DDC: variants seen among roughly 807,000 people sequenced by gnomAD.
DDC encodes aromatic-L-amino-acid decarboxylase.
In DDC, 43 loss-of-function variants were observed where a neutral mutation model predicts 60.0. The observed-to-expected ratio is 0.72, with a 90% CI of 0.56 to 0.92. DDC has a LOEUF of 0.92. Ranked by LOEUF, DDC falls within the 40% of genes least tolerant of loss-of-function variation. The pLI, the probability that DDC is intolerant of heterozygous loss-of-function variation, is 0.00. For synonymous variants in DDC, 232 were observed against 234.6 expected, an observed-to-expected ratio of 0.99 and a Z score of 0.10; for missense variants, 573 against 620.2, an observed-to-expected ratio of 0.92 and a Z score of 0.81.
intron 1 of DDC, among the ~76,000 whole-genome samples, chr7:50,556,914 G>C (rs185939933): frequency 9.1e-4 from 139 of 152,312 alleles, no homozygotes; most frequent in Non-Finnish European, 3.4e-4. Flanking sequence ...TGAGCCCATA[G>C]CTCTGCGGCA....
chr7:50,502,896 G>A (rs1304401435), intron 7 of DDC, among the ~76,000 whole-genome samples: 3 of 152,224 alleles, frequency 2.0e-5, no homozygotes, highest in Admixed American at 6.5e-5. Context: ...AGCTCAGAAT[G>A]TAAGATTCAG....
chr7:50,495,534 G>A, intron 8 of DDC, 117 bp from the exon 9 acceptor site: 1 of 823,760 alleles, frequency 1.2e-6, no homozygotes, highest in Non-Finnish European at 2.0e-6. Context: ...CAGTGGTAGG[G>A]GCCAGGTAGG....
In DDC at chr7:50,528,214, C is replaced by T. The variant is rs1234698764; in HGVS notation, c.637G>A (p.Gly213Ser). 1 of 1,614,166 alleles carries T rather than the reference C, an allele frequency of 6.2e-7. No individual in the cohort carries two copies. Among genetic ancestry groups the T allele is most frequent in the Non-Finnish European group, 8.5e-7 (1 of 1,180,048 alleles). The change falls in exon 6 of 15, where the codon GGC becomes AGC. Residue 213 changes from glycine to serine, a missense_variant. Gly to Ser is a moderately conservative substitution (Grantham distance 56). Transcript: ENST00000444124. ...GCAGACGCACGCATGGCGAAGTTGCCATCTGAGGGGATGGCTTTTAATTTC... is the reference window on the plus strand; with the variant it reads ...GCAGACGCACGCATGGCGAAGTTGCTATCTGAGGGGATGGCTTTTAATTTC... ...GVKLKAIPSDGNFAMRASALQ... is the reference protein window; with the variant it reads ...GVKLKAIPSDSNFAMRASALQ...
chr7:50,536,092 G>T lies in DDC; in HGVS notation c.435+1768C>A, dbSNP rs113733475. On this transcript the variant is annotated intron_variant, in intron 4 of 14. Coordinates refer to ENST00000444124, the MANE Select transcript of DDC (RefSeq NM_001082971.2). Reference sequence around the variant, plus strand: ...TAGCTACTAAGATAAAAAGCTACATGCCTCCCTCATAAGGAATTTCCTTTT... The same window carrying T: ...TAGCTACTAAGATAAAAAGCTACATTCCTCCCTCATAAGGAATTTCCTTTT... 1.8e-3 allele frequency among the ~76,000 whole-genome samples: 267 copies of T among 152,248 alleles called. 2 individuals are homozygous for T. The highest frequency in any genetic ancestry group is 6.1e-3 in the African/African-American group (253 of 41,550).
chr7:50,510,278 T>C (rs1432129162), intron 6 of DDC, among the ~76,000 whole-genome samples: 1 of 151,816 alleles, frequency 6.6e-6, no homozygotes, highest in East Asian at 2.0e-4. Flanking sequence ...CCTGGCCACT[T>C]ATGTATCTTA....
At position 50,472,761 on chromosome 7, in the gene DDC, C is replaced by T. The variant is rs551148990; in HGVS notation, c.1042-2590G>A. On this transcript the variant is annotated intron_variant, in intron 11 of 14. Coordinates refer to ENST00000444124, the MANE Select transcript of DDC (RefSeq NM_001082971.2). ...TGCCATACCTCGCGTCCTGAACAGC[C>T]TCCTCCTGGGACTAACACTCTGTCC... Among the ~76,000 whole-genome samples, 3 of 152,152 alleles carry T rather than the reference C, an allele frequency of 2.0e-5. No individual in the cohort carries two copies. The South Asian group carries it at 6.2e-4, about 32-fold the overall frequency.
At chr7:50,549,576 C>T (rs2044914886) in intron 1 of DDC, among the ~76,000 whole-genome samples, 1 of 151,742 alleles carries the variant, frequency 6.6e-6, no homozygotes, top group Non-Finnish European at 1.5e-5. Flanking sequence ...ATGGCATGAA[C>T]CTGGGAGGCG....
chr7:50,461,271 T>C (rs2042267793), intron 14 of DDC, among the ~76,000 whole-genome samples: 1 of 152,204 alleles, frequency 6.6e-6, no homozygotes, highest in Non-Finnish European at 1.5e-5. Context: ...CCTAATTTTC[T>C]ACCCTCTGTA....
intron 11 of DDC, among the ~76,000 whole-genome samples, chr7:50,475,874 C>T (rs974581457): frequency 6.6e-6 from 1 of 151,948 alleles, no homozygotes; most frequent in African/African-American, 2.4e-5. Flanking sequence ...ATTTTTAGCA[C>T]AGATGGGGTT....
chr7:50,469,264 A>ATT (rs1231259896), intron 12 of DDC, among the ~76,000 whole-genome samples: 3 of 149,052 alleles, frequency 2.0e-5, no homozygotes, highest in African/African-American at 7.7e-5. Flanking sequence ...TTAAAAAAAA[A>ATT]AAAAAAAAAA....
intron 7 of DDC, 141 bp from the exon 8 acceptor site, chr7:50,499,383 G>A: frequency 2.9e-6 from 2 of 699,970 alleles, no homozygotes; most frequent in East Asian, 2.7e-5. Flanking sequence ...ATCCCCAAAA[G>A]GCCCCCTCAT....
At chr7:50,524,614 A>G (rs1469700282) in intron 6 of DDC, among the ~76,000 whole-genome samples, 1 of 152,240 alleles carries the variant, frequency 6.6e-6, no homozygotes, top group Non-Finnish European at 1.5e-5. Context: ...GGACCATGAT[A>G]ACATATTAAT....
intron 9 of DDC, among the ~76,000 whole-genome samples, chr7:50,488,884 C>T (rs2042941029): frequency 6.6e-6 from 1 of 152,184 alleles, no homozygotes; most frequent in South Asian, 2.1e-4. Flanking sequence ...GAGATAGTAA[C>T]TCTTTCAACT....
At chr7:50,487,969 T>C (rs2042920691) in intron 9 of DDC, among the ~76,000 whole-genome samples, 1 of 152,152 alleles carries the variant, frequency 6.6e-6, no homozygotes, top group African/African-American at 2.4e-5. Flanking sequence ...AGGCATTTAA[T>C]ATTGTTGGTT....
chr7:50,505,191 A>G (rs1375076799), intron 6 of DDC, among the ~76,000 whole-genome samples: 1 of 152,164 alleles, frequency 6.6e-6, no homozygotes, highest in Non-Finnish European at 1.5e-5. Context: ...ATGCTCCCAA[A>G]GCCAGGGACC....
At chr7:50,476,716 A>G in intron 10 of DDC, 73 bp from the exon 11 acceptor site, 1 of 1,398,068 alleles carries the variant, frequency 7.2e-7, no homozygotes, top group Non-Finnish European at 1.0e-6. Flanking sequence ...AATCCTTTTC[A>G]TTTTCCAGGT....
chr7:50,487,619 T>A (rs1291406911), intron 9 of DDC, among the ~76,000 whole-genome samples: 2 of 152,144 alleles, frequency 1.3e-5, no homozygotes, highest in South Asian at 4.1e-4. Context: ...CTTAGGTGTG[T>A]TTATGTATAC....
At chr7:50,459,056 G>A (rs1010538330) in intron 14 of DDC, among the ~76,000 whole-genome samples, 31 of 152,104 alleles carry the variant, frequency 2.0e-4, no homozygotes, top group African/African-American at 7.2e-4. Context: ...CAGCCTCCCT[G>A]CCTGATTCTC....
chr7:50,509,139 G>A (rs1200519627), intron 6 of DDC, among the ~76,000 whole-genome samples: 5 of 152,040 alleles, frequency 3.3e-5, no homozygotes, highest in African/African-American at 1.2e-4. Flanking sequence ...ATGCCATGAG[G>A]AAAGGGACCA....
Sources: gnomAD v4.1 joint callset for allele counts (sites outside exome capture counted in the v4.1 genomes callset) on GRCh38, gnomAD v4.1.1 for gene constraint, MANE v1.5 for transcripts, NCBI Gene and HGNC (gene_info 2026-07-23, HGNC 2026-07-21) for gene names.